The following BICRA variants were observed in gnomAD, a reference collection of about 807,000 sequenced individuals.
The protein encoded by BICRA is BRD4-interacting chromatin-remodeling complex-associated protein.
A neutral mutation model predicts 96.9 loss-of-function variants in BICRA; 31 were observed. That is an observed-to-expected ratio of 0.32 (90% CI 0.24 to 0.43). The LOEUF (loss-of-function observed/expected upper bound fraction) is 0.43. Ranked by LOEUF, BICRA falls within the 20% of genes least tolerant of loss-of-function variation. The probability of loss-of-function intolerance (pLI) is 1.00; values close to 1 mark genes in which losing one functional copy is unlikely to be tolerated. For synonymous variants in BICRA, 1,350 were observed against 1,071.8 expected (o/e 1.26, Z -5.07); for missense variants, 2,283 against 2,190.3 (o/e 1.04, Z -0.84).
intron 1 of BICRA, among the ~76,000 whole-genome samples, chr19:47,667,500 G>A (rs2974231): frequency 0.68 from 103,057 of 151,956 alleles, 36,463 homozygotes; most frequent in African/African-American, 0.88. Flanking sequence ...CTTGGGCCAC[G>A]CCTACCAGAG....
In BICRA at chr19:47,675,421, CG is replaced by C. The variant is rs945578267; in HGVS notation, c.85-428del. 2.0e-4 allele frequency among the ~76,000 whole-genome samples: 30 copies of C among 152,114 alleles called. No individual in the cohort carries two copies. The highest frequency in any genetic ancestry group is 2.0e-3 in the Admixed American group (30 of 15,266). The stretch of plus-strand genomic sequence containing the variant: ...GGCACCGCATGGCTTGTCAGGTGCC[CG>C]GATGGTAGGTGTGCCAGGCACTCAG... On this transcript the variant is annotated intron_variant, in intron 4 of 14. Coordinates refer to ENST00000594866, the MANE Select transcript of BICRA (RefSeq NM_001394372.1). This position sits in a 1 kb window ranked among gnomAD's most constrained non-coding sequence, Gnocchi z 4.7.
rs1394672143 is a variant in BICRA at position 47,670,561 on chromosome 19, C to G, written c.-6+17C>G. ...GTAGCGCAGGTAACCAGCGAAGCAT[C>G]CCTGTTCATTCCTGGAGGGGCAACC... is the stretch of plus-strand genomic sequence containing the variant. On this transcript the variant is annotated intron_variant, in intron 2 of 14. Coordinates refer to ENST00000594866, the MANE Select transcript of BICRA (RefSeq NM_001394372.1). 2 of 152,198 alleles carry G rather than the reference C, an allele frequency of 1.3e-5. No individual in the cohort carries two copies. The highest frequency in any genetic ancestry group is 6.5e-5 in the Admixed American group (1 of 15,278). The allele number at this position is 152,198 out of a possible 1,614,324, so 9.4% of individuals were successfully genotyped here. A position where few individuals can be genotyped will look rare whatever the true frequency, so the allele number is the denominator to read the frequency against.
At chr19:47,664,905 G>A (rs536017092) in intron 1 of BICRA, among the ~76,000 whole-genome samples, 239 of 132,960 alleles carry the variant, frequency 1.8e-3, no homozygotes, top group Non-Finnish European at 2.9e-3. Context: ...GTAGGAGCAG[G>A]CCCACTGGGT....
Position 47,679,312 on chromosome 19 carries a change from G to C in BICRA, c.151-9G>C. 1 of 1,420,352 alleles carries C rather than the reference G, an allele frequency of 7.0e-7. No individual in the cohort carries two copies. The highest frequency in any genetic ancestry group is 9.2e-7 in the Non-Finnish European group (1 of 1,085,758). The allele number at this position is 1,420,352 out of a possible 1,614,324, so 88.0% of individuals were successfully genotyped here. A position where few individuals can be genotyped will look rare whatever the true frequency, so the allele number is the denominator to read the frequency against. On this transcript the variant is annotated splice_polypyrimidine_tract_variant and intron_variant, in intron 5 of 14. Transcript: ENST00000594866. ...CAGCTCTTTCCTTCCCACCTTTCCC[G>C]GCCTGCAGCTCCATGTGCAAGAAGC...
At chr19:47,638,300 G>C (rs1972330810) in intron 1 of BICRA, among the ~76,000 whole-genome samples, 1 of 152,226 alleles carries the variant, frequency 6.6e-6, no homozygotes, top group Non-Finnish European at 1.5e-5. Context: ...ACAGCCTGCT[G>C]CTTCTTCAGC....
intron 1 of BICRA, among the ~76,000 whole-genome samples, chr19:47,664,997 C>T (rs753720863): frequency 5.9e-5 from 9 of 152,252 alleles, no homozygotes; most frequent in South Asian, 2.1e-4. Flanking sequence ...ATTTTGGGTC[C>T]GCAACCCTGC....
chr19:47,676,033 G>A, intron 5 of BICRA, 117 bp downstream of exon 5: 1 of 647,664 alleles, frequency 1.5e-6, no homozygotes, highest in Non-Finnish European at 2.7e-6. Flanking sequence ...GACAGGAGGA[G>A]GGCGGGGGTG....
intron 11 of BICRA, 106 bp downstream of exon 11, chr19:47,696,618 GC>G: frequency 2.0e-6 from 2 of 1,002,316 alleles, no homozygotes; most frequent in South Asian, 1.6e-5. Flanking sequence ...CAAGTGCCAA[GC>G]CCAGCTCCAC....
chr19:47,611,010 C>G (rs1321199323), intron 1 of BICRA, among the ~76,000 whole-genome samples: 1 of 152,162 alleles, frequency 6.6e-6, no homozygotes, highest in African/African-American at 2.4e-5. Context: ...ACGCTGGCCA[C>G]AGTCCAAGGA....
In BICRA at chr19:47,680,023, G is replaced by T. The variant is rs1357999320; in HGVS notation, c.853G>T (p.Ala285Ser). 1.3e-6 allele frequency: 2 copies of T among 1,535,458 alleles called. No individual in the cohort carries two copies. The highest frequency in any genetic ancestry group is 8.7e-7 in the Non-Finnish European group (1 of 1,151,770). The stretch of plus-strand genomic sequence containing the variant: ...GTCGGCCGGTGTCTCGCCACAGGGG[G>T]CTGGCCTGGTCATCCAGAAGAACCT... ...LASAGVSPQG[A>S]GLVIQKNLSA... Residue 285 changes from alanine (A) to serine (S), a missense_variant, in exon 6 of 15, where the codon GCT becomes TCT. Coordinates refer to ENST00000594866, the MANE Select transcript of BICRA (RefSeq NM_001394372.1).
chr19:47,664,142 T>C (rs1299984613), intron 1 of BICRA, among the ~76,000 whole-genome samples: 3 of 152,178 alleles, frequency 2.0e-5, no homozygotes, highest in African/African-American at 7.2e-5. Flanking sequence ...TATCAGCAAA[T>C]GATATCGTTC....
intron 1 of BICRA, among the ~76,000 whole-genome samples, chr19:47,618,818 C>T (rs917490187): frequency 7.2e-5 from 11 of 152,248 alleles, no homozygotes; most frequent in African/African-American, 2.7e-4. Flanking sequence ...CCTCTGCTGC[C>T]TGGAGGCAGA....
At chr19:47,634,832 G>A (rs539170813) in intron 1 of BICRA, among the ~76,000 whole-genome samples, 3 of 144,304 alleles carry the variant, frequency 2.1e-5, no homozygotes, top group Non-Finnish European at 4.5e-5. Context: ...GCGCGATCTC[G>A]GCTCACTGCA....
Position 47,701,106 on chromosome 19 carries a change from C to T in BICRA, c.3596-222C>T. 1.7e-6 allele frequency: 1 copy of T among 575,906 alleles called. No individual in the cohort carries two copies. The highest frequency in any genetic ancestry group is 2.3e-5 in the South Asian group (1 of 44,418). The allele number at this position is 575,906 out of a possible 1,614,324, so 35.7% of individuals were successfully genotyped here. On this transcript the variant is annotated intron_variant, in intron 14 of 14. Coordinates refer to ENST00000594866, the MANE Select transcript of BICRA (RefSeq NM_001394372.1). This position sits in a 1 kb window ranked among gnomAD's most constrained non-coding sequence, Gnocchi z 5.4. ...TAATTTACTTATGTCTGAATGAGCC[C>T]CACGTGGCTCGTGGCGCTGTGCCAG...
At chr19:47,616,638 C>CA (rs755153037) in intron 1 of BICRA, among the ~76,000 whole-genome samples, 1,329 of 124,604 alleles carry the variant, frequency 0.011, 11 homozygotes, top group East Asian at 0.036. Context: ...GACTCTGTCT[C>CA]AAAAAAAAAA....
In BICRA at chr19:47,685,786, T is replaced by TGTGTGTGTGTGTGCGC; in HGVS notation, c.2283+3635_2283+3636insTGTGTGTGTGTGCGCG. 1.7e-3 allele frequency among the ~76,000 whole-genome samples: 197 copies of TGTGTGTGTGTGTGCGC among 117,942 alleles called. 1 individual carries two copies. Among genetic ancestry groups the TGTGTGTGTGTGTGCGC allele is most frequent in the East Asian group, 3.8e-3 (11 of 2,868 alleles). 77.4% of individuals were successfully genotyped at this position (117,942 alleles called of 152,430 possible). On this transcript the variant is annotated intron_variant, in intron 7 of 14. Transcript: ENST00000594866. ...GTGTGTGTGTGTGTGTGTGTGTGTG[T>TGTGTGTGTGTGTGCGC]GCGCGCGCGCGCGCATGCGTACATT... is the stretch of plus-strand genomic sequence containing the variant.
chr19:47,649,104 G>A (rs1187741515), intron 1 of BICRA, among the ~76,000 whole-genome samples: 1 of 152,004 alleles, frequency 6.6e-6, no homozygotes, highest in Non-Finnish European at 1.5e-5. Flanking sequence ...GCCTGCCTCG[G>A]CATCCCAAAG....
chr19:47,643,881 G>A (rs1972419220), intron 1 of BICRA, among the ~76,000 whole-genome samples: 2 of 152,156 alleles, frequency 1.3e-5, no homozygotes, highest in African/African-American at 4.8e-5. Flanking sequence ...ACCTGGGGGG[G>A]TTAATTCTGT....
intron 1 of BICRA, among the ~76,000 whole-genome samples, chr19:47,610,329 C>T (rs1372395062): frequency 6.6e-6 from 1 of 152,232 alleles, no homozygotes; most frequent in Admixed American, 6.5e-5. Context: ...CCTTGGTGCG[C>T]GGCCAGCCGG....
Sources: allele counts gnomAD v4.1 joint callset (sites outside exome capture counted in the v4.1 genomes callset), GRCh38; gene constraint gnomAD v4.1.1; non-coding constraint Gnocchi (gnomAD v3.1); transcripts MANE v1.5; gene names NCBI Gene and HGNC (gene_info 2026-07-23, HGNC 2026-07-21).